NF1: variants seen among roughly 807,000 people sequenced by gnomAD.
NF1 encodes neurofibromin 1.
NF1 carries 122 observed loss-of-function variants against 325.7 expected under a neutral mutation model. The observed-to-expected ratio is 0.37, with a 90% CI of 0.32 to 0.44. The LOEUF is 0.44. Among genes scored for constraint, NF1 ranks in the 20% least tolerant of loss-of-function variants. The pLI is 1.00. For synonymous variants in NF1, 1,091 were observed against 1,186.0 expected (o/e 0.92, Z 1.65); for missense variants, 2,140 against 3,415.4 (o/e 0.63, Z 9.31).
intron 1 of NF1, among the ~76,000 whole-genome samples, chr17:31,111,992 A>G (rs1202179873): frequency 6.6e-6 from 1 of 152,178 alleles, no homozygotes; most frequent in Non-Finnish European, 1.5e-5. Flanking sequence ...TTTAAAATGT[A>G]TAATTTGATG....
chr17:31,228,969 C>T (rs2151428639), intron 20 of NF1, 56 bp from the exon 21 acceptor site: 1 of 1,368,514 alleles, frequency 7.3e-7, no homozygotes, highest in Non-Finnish European at 1.0e-6. Context: ...CATAATTTGT[C>T]AAGTCTCAAC....
intron 35 of NF1, among the ~76,000 whole-genome samples, chr17:31,263,247 C>T (rs867686013): frequency 6.6e-6 from 1 of 151,964 alleles, no homozygotes; most frequent in African/African-American, 2.4e-5. Context: ...TTGAGACCAC[C>T]CTGGGCAACA....
chr17:31,278,895 G>A (rs184049969), intron 36 of NF1, among the ~76,000 whole-genome samples: 1 of 152,232 alleles, frequency 6.6e-6, no homozygotes, highest in African/African-American at 2.4e-5. Context: ...AATTACAGGC[G>A]TGAGCCGCCG....
chr17:31,118,094 C>G (rs910746590), intron 1 of NF1, among the ~76,000 whole-genome samples: 23 of 152,040 alleles, frequency 1.5e-4, no homozygotes, highest in African/African-American at 5.3e-4. Context: ...GGTAAATGCA[C>G]TCTTTTAATT....
At chr17:31,130,912 C>T (rs1162900195) in intron 1 of NF1, among the ~76,000 whole-genome samples, 1 of 152,190 alleles carries the variant, frequency 6.6e-6, no homozygotes, top group Non-Finnish European at 1.5e-5. Flanking sequence ...TGCTTTTCCA[C>T]AGGGATCACT....
chr17:31,296,567 A>G (rs1216806191), intron 36 of NF1: 2 of 518,408 alleles, frequency 3.9e-6, no homozygotes, highest in East Asian at 3.3e-5. Flanking sequence ...TCTCTCCTGC[A>G]TTTTCTCCTT....
At chr17:31,118,466 G>C (rs1186265192) in intron 1 of NF1, among the ~76,000 whole-genome samples, 2 of 151,988 alleles carry the variant, frequency 1.3e-5, no homozygotes, top group Admixed American at 1.3e-4. Context: ...AACAGGCCCA[G>C]TGTGTGATGT....
intron 27 of NF1, among the ~76,000 whole-genome samples, chr17:31,234,857 A>T (rs2067174201): frequency 6.6e-6 from 1 of 152,010 alleles, no homozygotes; most frequent in Non-Finnish European, 1.5e-5. Context: ...CTTTGTTGTT[A>T]CTGCTTGAGG....
chr17:31,163,300 C>T lies in NF1; in HGVS notation c.403C>T (p.Arg135Trp), dbSNP rs775191883. Residue 135 changes from arginine to tryptophan, a missense_variant, in exon 4 of 58, where the codon CGG (arginine) becomes TGG (tryptophan). Coordinates refer to ENST00000358273, the MANE Select transcript of NF1 (RefSeq NM_001042492.3). ...REGNQHAAEL[R>W]NSASGVLFSL... is the part of the protein sequence containing the mutation. Reference sequence around the variant, plus strand: ...AGGAAACCAGCATGCAGCTGAACTTCGGAATTCTGCCTCTGGGGTTTTATT... The same window carrying T: ...AGGAAACCAGCATGCAGCTGAACTTTGGAATTCTGCCTCTGGGGTTTTATT... 11 of 1,613,994 alleles carry T rather than the reference C, an allele frequency of 6.8e-6. No individual in the cohort carries two copies. The highest frequency in any genetic ancestry group is 1.1e-5 in the South Asian group (1 of 91,078).
intron 14 of NF1, 194 bp downstream of exon 14, chr17:31,219,312 A>G: frequency 4.5e-6 from 2 of 440,148 alleles, no homozygotes; most frequent in Non-Finnish European, 8.1e-6. Context: ...TCACATAGCA[A>G]TAACATTGTA....
intron 1 of NF1, among the ~76,000 whole-genome samples, chr17:31,125,190 T>A (rs1258473384): frequency 6.6e-6 from 1 of 152,148 alleles, no homozygotes; most frequent in Non-Finnish European, 1.5e-5. Flanking sequence ...TTTCATGTAA[T>A]GGAATAATAC....
rs2151583110 is a variant in NF1 at position 31,357,252 on chromosome 17, T to C, written c.7870-17T>C. ...AAAGTAAAAATGTTGTGTGTTTACT[T>C]TTTTGCATCTTGGCAGGCTACACTG... On this transcript the variant is annotated splice_polypyrimidine_tract_variant and intron_variant, in intron 53 of 57. Transcript: ENST00000358273. The C allele has an allele frequency of 1.9e-6, 3 of 1,611,896 alleles. No homozygotes were observed. Among genetic ancestry groups the C allele is most frequent in the Non-Finnish European group, 2.5e-6 (3 of 1,178,032 alleles).
chr17:31,196,276 A>G (rs1233211216), intron 8 of NF1, among the ~76,000 whole-genome samples: 2 of 151,490 alleles, frequency 1.3e-5, no homozygotes, highest in Non-Finnish European at 2.9e-5. Context: ...TTTCTGTTTC[A>G]TTAATTTTAG....
chr17:31,133,117 C>T (rs577248065), intron 1 of NF1: 1 of 152,264 alleles, frequency 6.6e-6, no homozygotes, highest in Admixed American at 6.5e-5. Flanking sequence ...AACTGAAACC[C>T]TTTACTCATT....
chr17:31,252,660 A>G (rs1025038115), intron 30 of NF1: 2 of 401,634 alleles, frequency 5.0e-6, no homozygotes, highest in Non-Finnish European at 9.0e-6. Context: ...ATATCCTCAA[A>G]TTCACTTGGA....
At chr17:31,102,102 G>A (rs1912393055) in intron 1 of NF1, among the ~76,000 whole-genome samples, 1 of 152,166 alleles carries the variant, frequency 6.6e-6, no homozygotes, top group Non-Finnish European at 1.5e-5. Flanking sequence ...TCTGATAAGT[G>A]ATATTTTAAC....
intron 2 of NF1, among the ~76,000 whole-genome samples, chr17:31,157,047 C>T (rs555843424): frequency 8.5e-5 from 13 of 152,204 alleles, no homozygotes; most frequent in South Asian, 8.3e-4. Context: ...AGTGCAGTGG[C>T]GCAATCTCGG....
At position 31,359,014 on chromosome 17, in the gene NF1, A is replaced by G; in HGVS notation, c.8159A>G (p.Lys2720Arg). The G allele has an allele frequency of 6.2e-7, 1 of 1,613,548 alleles. No homozygotes were observed. Among genetic ancestry groups the G allele is most frequent in the Non-Finnish European group, 8.5e-7 (1 of 1,179,658 alleles). Reference sequence around the variant, plus strand: ...TGGCGGTTTGCAGGACCGTTTTCAAAGGTAAGAAAATATATTTTTCTCTAA... The same window carrying G: ...TGGCGGTTTGCAGGACCGTTTTCAAGGGTAAGAAAATATATTTTTCTCTAA... ...GLWRFAGPFS[K>R]QTQIPDYAEL... The change falls in exon 56 of 58, where the codon AAG becomes AGG. Residue 2720 changes from lysine (K) to arginine (R), a missense_variant and splice_region_variant. Lys to Arg is a conservative substitution (Grantham distance 26). Around this residue, in one of 10 missense-constraint regions of NF1, gnomAD observed 522 missense variants for 749.0 expected, o/e 0.70. Coordinates refer to ENST00000358273, the MANE Select transcript of NF1 (RefSeq NM_001042492.3).
chr17:31,272,612 C>T (rs1453114210), intron 36 of NF1: 2 of 152,170 alleles, frequency 1.3e-5, no homozygotes, highest in Admixed American at 6.5e-5. Flanking sequence ...GATTGGTGCT[C>T]TTCCTGGGAT....
Sources: allele counts gnomAD v4.1 joint callset (sites outside exome capture counted in the v4.1 genomes callset), GRCh38; gene constraint gnomAD v4.1.1; regional missense constraint gnomAD v4.1.1; transcripts MANE v1.5; gene names NCBI Gene and HGNC (gene_info 2026-07-23, HGNC 2026-07-21).